ACTR5: variants seen among roughly 807,000 people sequenced by gnomAD.
ACTR5 encodes the protein actin related protein 5.
In ACTR5, 43 loss-of-function variants were observed where a neutral mutation model predicts 61.2. The ratio of observed to expected loss-of-function variants is 0.70; its 90% CI spans 0.55 to 0.91. The LOEUF is 0.91. ACTR5 is among the 40% of genes least tolerant of loss of function. The probability of loss-of-function intolerance (pLI) is 0.00; values close to 1 mark genes in which losing one functional copy is unlikely to be tolerated. For missense variants in ACTR5, 798 were observed against 782.2 expected, an observed-to-expected ratio of 1.02 and a Z score of -0.24; for synonymous variants, 333 against 310.5, an observed-to-expected ratio of 1.07 and a Z score of -0.76.
At chr20:38,755,798 T>A (rs935200911) in intron 4 of ACTR5, 59 bp from the exon 5 acceptor site, 4 of 1,602,510 alleles carry the variant, frequency 2.5e-6, no homozygotes, top group Non-Finnish European at 1.7e-6. Context: ...CCAGCTGTCG[T>A]TTTCTCCGTT....
intron 8 of ACTR5, 87 bp downstream of exon 8, chr20:38,767,683 A>C: frequency 7.0e-7 from 1 of 1,436,430 alleles, no homozygotes; most frequent in Non-Finnish European, 9.4e-7. Context: ...AGAAATATCC[A>C]CTGTTAACAT....
At chr20:38,751,499 AT>A (rs1440938236) in intron 2 of ACTR5, among the ~76,000 whole-genome samples, 1 of 152,266 alleles carries the variant, frequency 6.6e-6, no homozygotes, top group African/African-American at 2.4e-5. Flanking sequence ...CTGGGAAATT[AT>A]CAGAGTGAAT....
intron 5 of ACTR5, 43 bp from the exon 6 acceptor site, chr20:38,765,359 T>A: frequency 7.0e-7 from 1 of 1,419,756 alleles, no homozygotes; most frequent in Non-Finnish European, 1.0e-6. Context: ...AACTGAGGCC[T>A]GCTGAAGGTA....
chr20:38,752,263 G>A lies in ACTR5; in HGVS notation c.738G>A (p.Leu246=). ...CCCTCAGCCGCATGGAGGAGATTCTGCATGAGCACAGCTACATCGCTGAGG... is the reference window on the plus strand; with the variant it reads ...CCCTCAGCCGCATGGAGGAGATTCTACATGAGCACAGCTACATCGCTGAGG... ...AITLSRMEEI[L]HEHSYIAEDY... is the part of the protein sequence containing the mutation. Residue 246 remains leucine (L), a synonymous_variant, in exon 3 of 9, where the codon CTG becomes CTA. Coordinates refer to ENST00000243903, the MANE Select transcript of ACTR5 (RefSeq NM_024855.4). 1 of 1,613,690 alleles carries A rather than the reference G, an allele frequency of 6.2e-7. No individual in the cohort carries two copies. Among genetic ancestry groups the A allele is most frequent in the African/African-American group, 1.3e-5 (1 of 75,042 alleles).
At position 38,752,195 on chromosome 20, in the gene ACTR5, C is replaced by A; in HGVS notation, c.670C>A (p.Arg224Ser). Residue 224 changes from arginine to serine, a missense_variant, in exon 3 of 9, where the codon CGT becomes AGT. Transcript: ENST00000243903. ...GGSQAAGYLQ[R>S]LLQLKYPGHL... ...AAGCCAAGCAGCTGGTTACCTCCAGCGTCTCCTCCAGCTGAAGTACCCTGG... is the reference window on the plus strand; with the variant it reads ...AAGCCAAGCAGCTGGTTACCTCCAGAGTCTCCTCCAGCTGAAGTACCCTGG... The A allele has an allele frequency of 6.2e-7, 1 of 1,614,084 alleles. No individual in the cohort carries two copies. Among genetic ancestry groups the A allele is most frequent in the Non-Finnish European group, 8.5e-7 (1 of 1,179,954 alleles).
chr20:38,750,606 GTTTTT>G (rs11478491), intron 2 of ACTR5, among the ~76,000 whole-genome samples: 3,262 of 140,348 alleles, frequency 0.023, 122 homozygotes, highest in African/African-American at 0.081. Context: ...AGTTTTTTTT[GTTTTT>G]TTTTTGTTTT....
At position 38,748,850 on chromosome 20, in the gene ACTR5, A is replaced by C. The variant is rs759341518; in HGVS notation, c.372A>C (p.Ser124=). The C allele has an allele frequency of 3.7e-6, 6 of 1,605,864 alleles. No individual in the cohort carries two copies. In the South Asian group the frequency reaches 5.5e-5, roughly 15 times the overall value. Residue 124 remains serine (S), a synonymous_variant, in exon 1 of 9, where the codon TCA becomes TCC. Transcript: ENST00000243903. Reference sequence around the variant, plus strand: ...GCTTCCAGCACCTGGGTGTCTCCTCACAGGTGAAGGGCGGAGTAGGCTGGG... The same window carrying C: ...GCTTCCAGCACCTGGGTGTCTCCTCCCAGGTGAAGGGCGGAGTAGGCTGGG... The part of the protein sequence containing the change: ...DYSFQHLGVS[S]QGCVDHPIVL...
chr20:38,754,746 G>C (rs570787664), intron 3 of ACTR5, among the ~76,000 whole-genome samples: 2 of 151,852 alleles, frequency 1.3e-5, no homozygotes, highest in African/African-American at 2.4e-5. Flanking sequence ...CCGCCACCAC[G>C]CATGGCTAAT....
Position 38,749,913 on chromosome 20 carries a change from G to A in ACTR5, c.376-97G>A, listed in dbSNP as rs573975067. 1.2e-3 allele frequency: 1,232 copies of A among 1,063,268 alleles called. 20 individuals carry two copies. The South Asian group carries it at 0.019, about 16-fold the overall frequency. 65.9% of individuals were successfully genotyped at this position (1,063,268 alleles called of 1,614,324 possible). On this transcript the variant is annotated intron_variant, in intron 1 of 8. Transcript: ENST00000243903. ...CAGGTTTTTGATTAAGAAGCCAAAA[G>A]CAAATTCAGTCCTGCAATAAGGATT...
chr20:38,758,877 TGAAATTGCA>T (rs2084436383), intron 5 of ACTR5, among the ~76,000 whole-genome samples: 1 of 152,222 alleles, frequency 6.6e-6, no homozygotes, highest in African/African-American at 2.4e-5. Context: ...AAATTCATAT[TGAAATTGCA>T]CTTAAGCAGT....
intron 5 of ACTR5, among the ~76,000 whole-genome samples, chr20:38,757,478 G>GT (rs1309909809): frequency 6.6e-6 from 1 of 151,918 alleles, no homozygotes; most frequent in African/African-American, 2.4e-5. Context: ...CTTGTTTTTT[G>GT]TTTTTTGTTT....
At chr20:38,765,575 C>T in intron 6 of ACTR5, 57 bp downstream of exon 6, 1 of 1,387,264 alleles carries the variant, frequency 7.2e-7, no homozygotes, top group Non-Finnish European at 1.0e-6. Flanking sequence ...ACCTAAATGG[C>T]TGGGCTAGTC....
Position 38,755,053 on chromosome 20 carries a change from C to CT in ACTR5, c.873dup (p.Glu292Ter). Reference sequence around the variant, plus strand: ...AAGCTCCTGGGCAGCACTCTGACCTCTGAGGAGAAACAAGAAAGGCGGCAG... The same window carrying CT: ...AAGCTCCTGGGCAGCACTCTGACCTCTTGAGGAGAAACAAGAAAGGCGGCAG... On this transcript the variant is annotated frameshift_variant, in exon 4 of 9. Coordinates refer to ENST00000243903, the MANE Select transcript of ACTR5 (RefSeq NM_024855.4). LOFTEE classifies it high-confidence loss of function. The CT allele has an allele frequency of 6.2e-7, 1 of 1,614,262 alleles. No individual in the cohort carries two copies. Among genetic ancestry groups the CT allele is most frequent in the Non-Finnish European group, 8.5e-7 (1 of 1,180,054 alleles).
intron 5 of ACTR5, among the ~76,000 whole-genome samples, chr20:38,758,209 A>C (rs1048306174): frequency 7.2e-5 from 11 of 152,114 alleles, no homozygotes; most frequent in African/African-American, 2.7e-4. Flanking sequence ...GATGTGATTC[A>C]TCACCCATTC....
Position 38,771,902 on chromosome 20 carries a change from C to A in ACTR5, c.*86C>A. On this transcript the variant is annotated 3_prime_UTR_variant, in exon 9 of 9. Coordinates refer to ENST00000243903, the MANE Select transcript of ACTR5 (RefSeq NM_024855.4). ...CAGGACTGTGATTGTGCTAGATGTA[C>A]CTGCCCAAGTCTGCTGGTCACATTT... The A allele has an allele frequency of 6.7e-7, 1 of 1,491,310 alleles. No homozygotes were observed. The highest frequency in any genetic ancestry group is 8.9e-7 in the Non-Finnish European group (1 of 1,120,218). 92.4% of individuals were successfully genotyped at this position (1,491,310 alleles called of 1,614,324 possible). A position where few individuals can be genotyped will look rare whatever the true frequency, so the allele number is the denominator to read the frequency against.
rs767677643 is a variant in ACTR5, at chr20:38,767,621, T to C, written c.1566+25T>C. The stretch of plus-strand genomic sequence containing the variant: ...GGTACTGATTGTTCGAGTAGTCAAT[T>C]ATTTTGAAAATAGCATTACCTGTTT... On this transcript the variant is annotated intron_variant, in intron 8 of 8. Coordinates refer to ENST00000243903, the MANE Select transcript of ACTR5 (RefSeq NM_024855.4). 2.0e-5 allele frequency: 32 copies of C among 1,584,406 alleles called. 1 individual carries two copies. The South Asian group carries it at 2.3e-4, about 11-fold the overall frequency.
chr20:38,749,991 C>A lies in ACTR5; in HGVS notation c.376-19C>A. Reference sequence around the variant, plus strand: ...TATTCTGTTACCACTCATTTATTTGCCCTTTTCTTTCAAAGTAGGGCTGTG... The same window carrying A: ...TATTCTGTTACCACTCATTTATTTGACCTTTTCTTTCAAAGTAGGGCTGTG... On this transcript the variant is annotated intron_variant, in intron 1 of 8. Coordinates refer to ENST00000243903, the MANE Select transcript of ACTR5 (RefSeq NM_024855.4). The A allele has an allele frequency of 6.3e-7, 1 of 1,597,990 alleles. No homozygotes were observed. The highest frequency in any genetic ancestry group is 8.6e-7 in the Non-Finnish European group (1 of 1,166,970).
Position 38,752,185 on chromosome 20 carries a change from T to A in ACTR5, c.660T>A (p.Gly220=). 2 of 1,614,068 alleles carry A rather than the reference T, an allele frequency of 1.2e-6. No individual in the cohort carries two copies. The highest frequency in any genetic ancestry group is 1.7e-6 in the Non-Finnish European group (2 of 1,179,924). The change falls in exon 3 of 9, where the codon GGT becomes GGA. Residue 220 remains glycine, a synonymous_variant. Transcript: ENST00000243903. ...RINLGGSQAA[G]YLQRLLQLKY... is the part of the protein sequence containing the mutation. ...ATCTTGGAGGAAGCCAAGCAGCTGG[T>A]TACCTCCAGCGTCTCCTCCAGCTGA...
At chr20:38,764,965 C>T (rs796287246) in intron 5 of ACTR5, among the ~76,000 whole-genome samples, 18 of 152,370 alleles carry the variant, frequency 1.2e-4, no homozygotes, top group African/African-American at 4.1e-4. Context: ...AGCCACTGCT[C>T]CCTGGCCAGC....
Sources: allele counts gnomAD v4.1 joint callset (sites outside exome capture counted in the v4.1 genomes callset), GRCh38; gene constraint gnomAD v4.1.1; transcripts MANE v1.5; gene names NCBI Gene and HGNC (gene_info 2026-07-23, HGNC 2026-07-21).